The following TMEM216 variants were observed in gnomAD, a reference collection of about 807,000 sequenced individuals.
TMEM216 encodes the protein cerebello-oculo-renal syndrome 2.
In TMEM216, 15 loss-of-function variants were observed where a neutral mutation model predicts 17.8. The observed-to-expected ratio is 0.84, with a 90% CI of 0.56 to 1.30. The LOEUF (loss-of-function observed/expected upper bound fraction) is 1.30. Among genes scored for constraint, TMEM216 ranks in the 50% most tolerant of loss-of-function variants. The probability of loss-of-function intolerance (pLI) is 0.00; values close to 1 mark genes in which losing one functional copy is unlikely to be tolerated. For missense variants in TMEM216, 160 were observed against 175.7 expected (o/e 0.91, Z 0.51); for synonymous variants, 58 against 73.5 (o/e 0.79, Z 1.08).
chr11:61,396,304 C>T (rs1346604541), intron 3 of TMEM216, among the ~76,000 whole-genome samples: 1 of 151,596 alleles, frequency 6.6e-6, no homozygotes, highest in Non-Finnish European at 1.5e-5. Context: ...CATGATGAAA[C>T]CCCATCTCTA....
chr11:61,393,144 A>G (rs1323559464), intron 1 of TMEM216, 87 bp from the exon 2 acceptor site: 2 of 1,021,536 alleles, frequency 2.0e-6, no homozygotes, highest in Non-Finnish European at 2.8e-6. Context: ...TGCAGCGTCT[A>G]GTTTCCCCAA....
intron 1 of TMEM216, among the ~76,000 whole-genome samples, 159 bp from the exon 2 acceptor site, chr11:61,393,072 C>T (rs1405203337): frequency 2.6e-5 from 4 of 152,052 alleles, no homozygotes; most frequent in Non-Finnish European, 5.9e-5. Context: ...CTCCCACCCC[C>T]GTACCCTCGC....
At chr11:61,397,641 C>T in intron 3 of TMEM216, 133 bp from the exon 4 acceptor site, 1 of 727,550 alleles carries the variant, frequency 1.4e-6, no homozygotes, top group Non-Finnish European at 2.3e-6. Context: ...AGTGGGACCC[C>T]ATTTATAAAT....
At chr11:61,393,404 C>A (rs1315599710) in intron 2 of TMEM216, 72 bp downstream of exon 2, 3 of 1,115,698 alleles carry the variant, frequency 2.7e-6, no homozygotes, top group Non-Finnish European at 3.9e-6. Context: ...CTACCAAGAA[C>A]CTTCTTATTT....
intron 1 of TMEM216, chr11:61,392,911 G>C (rs1858706017): frequency 1.0e-6 from 1 of 982,488 alleles, no homozygotes; most frequent in Non-Finnish European, 1.2e-6. Context: ...CGAATCTGTT[G>C]GTCTCTGCGC....
Position 61,398,552 on chromosome 11 carries a change from T to G in TMEM216, c.*276T>G, listed in dbSNP as rs1858854061. On this transcript the variant is annotated 3_prime_UTR_variant, in exon 5 of 5. Transcript: ENST00000515837. Reference sequence around the variant, plus strand: ...CCCCTTCTCAGAACCAGTCCCCTGCTGACCTCAAGTTCTCCTCCTTGATCA... The same window carrying G: ...CCCCTTCTCAGAACCAGTCCCCTGCGGACCTCAAGTTCTCCTCCTTGATCA... 2.0e-6 allele frequency: 1 copy of G among 491,398 alleles called. No homozygotes were observed. Among genetic ancestry groups the G allele is most frequent in the Non-Finnish European group, 3.6e-6 (1 of 276,248 alleles). 30.4% of individuals were successfully genotyped at this position (491,398 alleles called of 1,614,324 possible). A position where few individuals can be genotyped will look rare whatever the true frequency, so the allele number is the denominator to read the frequency against.
At chr11:61,394,570 T>C (rs1413701552) in intron 3 of TMEM216, among the ~76,000 whole-genome samples, 6 of 151,772 alleles carry the variant, frequency 4.0e-5, no homozygotes, top group Non-Finnish European at 5.9e-5. Flanking sequence ...GGTTTCACCA[T>C]GTTGGCCAGG....
At chr11:61,393,358 C>T (rs1185998193) in intron 2 of TMEM216, 26 bp downstream of exon 2, 1 of 1,453,830 alleles carries the variant, frequency 6.9e-7, no homozygotes. Context: ...GGCTTGACGA[C>T]AGCATCCCTT....
At chr11:61,392,777 G>A (rs989719115) in intron 1 of TMEM216, 112 bp downstream of exon 1, 4 of 1,528,682 alleles carry the variant, frequency 2.6e-6, no homozygotes, top group Middle Eastern at 1.7e-4. Flanking sequence ...TAGGGACGTC[G>A]CGCCTCCCTG....
At chr11:61,394,130 A>G in intron 3 of TMEM216, 154 bp downstream of exon 3, 2 of 668,358 alleles carry the variant, frequency 3.0e-6, no homozygotes, top group Non-Finnish European at 5.3e-6. Context: ...TTGCTGCTTC[A>G]TACATTGGGT....
intron 3 of TMEM216, among the ~76,000 whole-genome samples, chr11:61,397,060 C>T (rs528837966): frequency 2.8e-4 from 43 of 151,820 alleles, no homozygotes; most frequent in African/African-American, 9.7e-4. Context: ...TGAATATATA[C>T]GTATAAAAAA....
chr11:61,396,826 C>T (rs555552671), intron 3 of TMEM216, among the ~76,000 whole-genome samples: 4 of 149,268 alleles, frequency 2.7e-5, no homozygotes, highest in South Asian at 2.1e-4. Flanking sequence ...GGCATAGTGA[C>T]GTGTACCTAT....
intron 3 of TMEM216, 111 bp from the exon 4 acceptor site, chr11:61,397,663 C>T (rs901892749): frequency 2.2e-6 from 2 of 914,374 alleles, no homozygotes; most frequent in Non-Finnish European, 3.4e-6. Flanking sequence ...TGCACACCCC[C>T]ACTCAGGATT....
At position 61,393,096 on chromosome 11, in the gene TMEM216, G is replaced by A. The variant is rs975568152; in HGVS notation, c.35-135G>A. On this transcript the variant is annotated intron_variant, in intron 1 of 4. Transcript: ENST00000515837. ...CCGTACCCTCGCCCCCTCATTATCA[G>A]CAACCAGAAGTGCCCCTGAGTGGCC... is the stretch of plus-strand genomic sequence containing the variant. The A allele has an allele frequency of 1.4e-5, 9 of 649,930 alleles. No homozygotes were observed. The South Asian group carries it at 2.1e-4, about 15-fold the overall frequency. 40.3% of individuals were successfully genotyped at this position (649,930 alleles called of 1,614,324 possible).
At chr11:61,393,198 G>A in intron 1 of TMEM216, 33 bp from the exon 2 acceptor site, 1 of 1,494,654 alleles carries the variant, frequency 6.7e-7, no homozygotes, top group Non-Finnish European at 9.0e-7. Flanking sequence ...GCTGCCTTCC[G>A]GCCCATCCCA....
At chr11:61,393,472 G>T in intron 2 of TMEM216, 140 bp downstream of exon 2, 1 of 627,322 alleles carries the variant, frequency 1.6e-6, no homozygotes, top group Non-Finnish European at 2.8e-6. Flanking sequence ...CTCCTCATCA[G>T]ATGGCTTCTT....
In TMEM216 at chr11:61,397,866, C is replaced by A. The variant is rs1468325310; in HGVS notation, c.322C>A (p.Leu108Met). 3.7e-6 allele frequency: 6 copies of A among 1,613,914 alleles called. No individual in the cohort carries two copies. The highest frequency in any genetic ancestry group is 3.4e-6 in the Non-Finnish European group (4 of 1,179,888). ...PSAMMASYYL[L>M]LQTYVLRLEA... ...TGCCATGATGGCCTCCTATTACCTGCTGCTGCAGACCTACGTACTCCGCCT... is the reference window on the plus strand; with the variant it reads ...TGCCATGATGGCCTCCTATTACCTGATGCTGCAGACCTACGTACTCCGCCT... Residue 108 changes from leucine (L) to methionine (M), a missense_variant, in exon 4 of 5, where the codon CTG becomes ATG. Coordinates refer to ENST00000515837, the MANE Select transcript of TMEM216 (RefSeq NM_001173990.3).
At chr11:61,394,078 C>T (rs2135191479) in intron 3 of TMEM216, 102 bp downstream of exon 3, 1 of 1,069,986 alleles carries the variant, frequency 9.3e-7, no homozygotes. Context: ...CTATCATAGA[C>T]TGGATCTGTA....
chr11:61,396,125 G>A (rs993062884), intron 3 of TMEM216, among the ~76,000 whole-genome samples: 2 of 152,154 alleles, frequency 1.3e-5, no homozygotes, highest in Non-Finnish European at 2.9e-5. Context: ...CTAAACATCT[G>A]TCCATACGGG....
Sources: gnomAD v4.1 joint callset for allele counts (sites outside exome capture counted in the v4.1 genomes callset) on GRCh38, gnomAD v4.1.1 for gene constraint, MANE v1.5 for transcripts, NCBI Gene and HGNC (gene_info 2026-07-23, HGNC 2026-07-21) for gene names.